The following ATE1 variants were observed in gnomAD, a reference collection of about 807,000 sequenced individuals.
The protein encoded by ATE1 is arginyl-tRNA--protein transferase 1.
In ATE1, 36 loss-of-function variants were observed where a neutral mutation model predicts 70.5. The ratio of observed to expected loss-of-function variants is 0.51; its 90% confidence interval spans 0.39 to 0.67. The LOEUF (loss-of-function observed/expected upper bound fraction) is 0.67. ATE1 is among the 30% of genes least tolerant of loss of function. The probability of loss-of-function intolerance (pLI) is 0.00; values close to 1 mark genes in which losing one functional copy is unlikely to be tolerated. For synonymous variants in ATE1, 232 were observed against 219.3 expected, an observed-to-expected ratio of 1.06 and a Z score of -0.51; for missense variants, 593 against 629.5, an observed-to-expected ratio of 0.94 and a Z score of 0.62.
chr10:121,811,283 GA>G lies in ATE1; in HGVS notation c.1258-20995del, dbSNP rs926424212. Among the ~76,000 whole-genome samples the G allele has an allele frequency of 2.0e-5, 3 of 152,092 alleles. No individual in the cohort carries two copies. The East Asian group carries it at 5.8e-4, about 29-fold the overall frequency. On this transcript the variant is annotated intron_variant, in intron 10 of 11. Coordinates refer to ENST00000224652, the MANE Select transcript of ATE1 (RefSeq NM_001001976.3). ...ATATCTGTATATAAACAGGGAGAGA[GA>G]GGGGGAGAAAAGAGGGAGAAAAAAA...
At chr10:121,810,159 A>G (rs1947263084) in intron 10 of ATE1, among the ~76,000 whole-genome samples, 2 of 152,340 alleles carry the variant, frequency 1.3e-5, no homozygotes, top group South Asian at 4.1e-4. Context: ...TTAAATATCT[A>G]TTCCTTTGCT....
chr10:121,747,888 T>C (rs940098929), intron 11 of ATE1, among the ~76,000 whole-genome samples: 6 of 152,248 alleles, frequency 3.9e-5, no homozygotes, highest in Non-Finnish European at 5.9e-5. Flanking sequence ...TGATTCCTGC[T>C]GTCCATTTTG....
In ATE1 at chr10:121,822,017, T is replaced by TA. The variant is rs1221181606; in HGVS notation, c.1257+14700dup. Among the ~76,000 whole-genome samples the TA allele has an allele frequency of 5.3e-5, 8 of 152,254 alleles. No individual in the cohort carries two copies. The South Asian group carries it at 1.7e-3, about 32-fold the overall frequency. ...TAGTTACTAAACCTAAACACACGCA[T>TA]ACCCTATGATCTGGCGACTCACACC... On this transcript the variant is annotated intron_variant, in intron 10 of 11. Transcript: ENST00000224652.
At chr10:121,836,651 G>A in intron 10 of ATE1, 67 bp downstream of exon 10, 1 of 1,037,778 alleles carries the variant, frequency 9.6e-7, no homozygotes, top group African/African-American at 1.7e-5. Context: ...AGTGCCCTGA[G>A]ATAAAAATTT....
intron 7 of ATE1, among the ~76,000 whole-genome samples, chr10:121,877,486 GA>G (rs1349872084): frequency 1.3e-5 from 2 of 151,610 alleles, no homozygotes; most frequent in Non-Finnish European, 2.9e-5. Context: ...TTCCAGGTTG[GA>G]AAAAGATATT....
At position 121,899,881 on chromosome 10, in the gene ATE1, C is replaced by T. The variant is rs1950912547; in HGVS notation, c.927G>A (p.Thr309=). Residue 309 remains threonine (T), a synonymous_variant, in exon 7 of 12, where the codon ACG becomes ACA. Transcript: ENST00000224652. ...GCCTGCTGACCTGGCTTTCGGTTGGCGTATCAGGTGGGTTCTTGTGAATAA... is the reference window on the plus strand; with the variant it reads ...GCCTGCTGACCTGGCTTTCGGTTGGTGTATCAGGTGGGTTCTTGTGAATAA... ...QMVIHKNPPD[T]PTESQFTRFL... 7 of 1,611,320 alleles carry T rather than the reference C, an allele frequency of 4.3e-6. No homozygotes were observed. The highest frequency in any genetic ancestry group is 1.3e-5 in the African/African-American group (1 of 74,978).
intron 10 of ATE1, among the ~76,000 whole-genome samples, chr10:121,835,234 A>T (rs1402277264): frequency 6.6e-6 from 1 of 152,096 alleles, no homozygotes; most frequent in African/African-American, 2.4e-5. Context: ...TATGAGCTCA[A>T]AAGAAAATCT....
intron 10 of ATE1, among the ~76,000 whole-genome samples, chr10:121,826,675 C>T (rs949930792): frequency 1.3e-5 from 2 of 152,120 alleles, no homozygotes; most frequent in Admixed American, 1.3e-4. Context: ...AAAGGTGTAT[C>T]GTGTGATGTT....
intron 7 of ATE1, among the ~76,000 whole-genome samples, chr10:121,881,600 C>T (rs969145807): frequency 2.1e-5 from 3 of 143,832 alleles, no homozygotes. Flanking sequence ...ATATAGTGCA[C>T]AGTGATCATA....
chr10:121,819,389 G>C (rs1474882579), intron 10 of ATE1, among the ~76,000 whole-genome samples: 2 of 151,972 alleles, frequency 1.3e-5, no homozygotes, highest in Non-Finnish European at 1.5e-5. Flanking sequence ...TTATATACAT[G>C]GGCTCATAAA....
chr10:121,857,544 T>C (rs1355501827), intron 8 of ATE1, among the ~76,000 whole-genome samples: 2 of 152,230 alleles, frequency 1.3e-5, no homozygotes, highest in Non-Finnish European at 2.9e-5. Flanking sequence ...GAAAGCAGTG[T>C]AGAGATTTCT....
intron 5 of ATE1, among the ~76,000 whole-genome samples, chr10:121,903,917 T>C (rs1019533846): frequency 1.3e-5 from 2 of 151,996 alleles, no homozygotes; most frequent in Non-Finnish European, 1.5e-5. Flanking sequence ...TAACAGTCAT[T>C]TTACTTTGTT....
At chr10:121,824,458 C>A (rs1947926594) in intron 10 of ATE1, among the ~76,000 whole-genome samples, 1 of 152,154 alleles carries the variant, frequency 6.6e-6, no homozygotes, top group South Asian at 2.1e-4. Flanking sequence ...CTGTTAATTC[C>A]ATTTTTTTGT....
chr10:121,796,298 G>A (rs562142772), intron 10 of ATE1, among the ~76,000 whole-genome samples: 11 of 152,126 alleles, frequency 7.2e-5, no homozygotes, highest in Admixed American at 2.0e-4. Context: ...AAAAAATAAC[G>A]TTTAAAAATA....
At chr10:121,863,882 A>G (rs1441946125) in intron 8 of ATE1, among the ~76,000 whole-genome samples, 1 of 152,170 alleles carries the variant, frequency 6.6e-6, no homozygotes, top group Non-Finnish European at 1.5e-5. Context: ...CTGAGTTGCT[A>G]GGATTACAGG....
intron 7 of ATE1, among the ~76,000 whole-genome samples, chr10:121,881,195 T>C (rs1950212577): frequency 6.6e-6 from 1 of 152,218 alleles, no homozygotes; most frequent in African/African-American, 2.4e-5. Context: ...TCCAGCTGTT[T>C]TTTTAAAAGT....
intron 8 of ATE1, among the ~76,000 whole-genome samples, chr10:121,862,494 C>CT (rs1323730177): frequency 2.7e-5 from 4 of 150,656 alleles, no homozygotes; most frequent in Non-Finnish European, 5.9e-5. Context: ...ATTGCTGGGA[C>CT]TACAGGCACA....
At chr10:121,868,813 T>C (rs1361006146) in intron 8 of ATE1, among the ~76,000 whole-genome samples, 1 of 152,182 alleles carries the variant, frequency 6.6e-6, no homozygotes, top group Non-Finnish European at 1.5e-5. Flanking sequence ...TCTGGTCTGG[T>C]CCATTTCTCC....
intron 11 of ATE1, among the ~76,000 whole-genome samples, chr10:121,766,532 T>C (rs1280493286): frequency 6.6e-6 from 1 of 152,136 alleles, no homozygotes; most frequent in Non-Finnish European, 1.5e-5. Flanking sequence ...GGTTTTCTTT[T>C]TGCCTCATCT....
Sources: gnomAD v4.1 joint callset for allele counts (sites outside exome capture counted in the v4.1 genomes callset) on GRCh38, gnomAD v4.1.1 for gene constraint, MANE v1.5 for transcripts, NCBI Gene and HGNC (gene_info 2026-07-23, HGNC 2026-07-21) for gene names.